ASIC2: variants seen among roughly 807,000 people sequenced by gnomAD.
The protein encoded by ASIC2 is acid sensing ion channel subunit 2.
Under a neutral mutation model 57.3 loss-of-function variants are expected in ASIC2, and 25 were observed. The observed-to-expected ratio is 0.44, with a 90% CI of 0.32 to 0.61. ASIC2 has a LOEUF of 0.61. ASIC2 is among the 20% of genes least tolerant of loss of function. The pLI is 0.06. For synonymous variants in ASIC2, 319 were observed against 307.5 expected, an observed-to-expected ratio of 1.04 and a Z score of -0.39; for missense variants, 641 against 738.1, an observed-to-expected ratio of 0.87 and a Z score of 1.52.
chr17:33,712,504 G>C (rs889973536), intron 1 of ASIC2, among the ~76,000 whole-genome samples: 1 of 152,098 alleles, frequency 6.6e-6, no homozygotes, highest in Non-Finnish European at 1.5e-5. Context: ...TAAAGAATTC[G>C]GGCCTGATTT....
At chr17:33,026,738 T>A (rs1013105845) in intron 4 of ASIC2, among the ~76,000 whole-genome samples, 2 of 152,184 alleles carry the variant, frequency 1.3e-5, no homozygotes, top group African/African-American at 2.4e-5. Flanking sequence ...CAGTACTGGA[T>A]TCTCCTTGCT....
intron 1 of ASIC2, among the ~76,000 whole-genome samples, chr17:33,803,813 G>A (rs79678062): frequency 0.075 from 11,320 of 151,754 alleles, 460 homozygotes; most frequent in East Asian, 0.19. Flanking sequence ...CCTAATTATT[G>A]TAACTGGCAT....
At chr17:33,462,939 T>G (rs1182143075) in intron 1 of ASIC2, among the ~76,000 whole-genome samples, 1 of 152,218 alleles carries the variant, frequency 6.6e-6, no homozygotes, top group Non-Finnish European at 1.5e-5. Flanking sequence ...GCCTATGATT[T>G]GGGCCACCTG....
At chr17:33,934,547 C>T (rs1028803430) in intron 1 of ASIC2, among the ~76,000 whole-genome samples, 7 of 152,214 alleles carry the variant, frequency 4.6e-5, no homozygotes, top group Non-Finnish European at 8.8e-5. Context: ...GGGCACAGGC[C>T]GTGGGCACCG....
chr17:34,142,599 A>G (rs1415677457), intron 1 of ASIC2, among the ~76,000 whole-genome samples: 1 of 152,228 alleles, frequency 6.6e-6, no homozygotes, highest in East Asian at 1.9e-4. Context: ...GAATCAATAA[A>G]TAGTCTCTCT....
intron 1 of ASIC2, among the ~76,000 whole-genome samples, chr17:33,398,616 G>T (rs1478838108): frequency 6.6e-6 from 1 of 152,032 alleles, no homozygotes; most frequent in Non-Finnish European, 1.5e-5. Context: ...GGTGATTATG[G>T]TGATGATGGT....
intron 1 of ASIC2, among the ~76,000 whole-genome samples, chr17:33,341,219 G>T (rs1907708118): frequency 1.3e-5 from 2 of 152,154 alleles, no homozygotes; most frequent in Non-Finnish European, 2.9e-5. Flanking sequence ...ATTCTGATTT[G>T]GTCGGTCAAG....
At chr17:33,380,529 C>G (rs904582534) in intron 1 of ASIC2, among the ~76,000 whole-genome samples, 1 of 152,204 alleles carries the variant, frequency 6.6e-6, no homozygotes, top group Non-Finnish European at 1.5e-5. Flanking sequence ...CAGCCCACGA[C>G]AGAGACCCAT....
rs1307782461 is a variant in ASIC2 at position 33,111,956 on chromosome 17, T to C, written c.820A>G (p.Ile274Val). The C allele has an allele frequency of 3.1e-6, 5 of 1,613,978 alleles. No homozygotes were observed. The highest frequency in any genetic ancestry group is 1.1e-5 in the South Asian group (1 of 91,048). ...ATGGGCAGGTACTCATCCTGCTGAA[T>C]GTCCAGCATGATCTCCAGCCCGTTG... ...TGNGLEIMLD[I>V]QQDEYLPIWG... Residue 274 changes from isoleucine to valine, a missense_variant, in exon 2 of 10, where the codon ATT becomes GTT. By Grantham distance (29) the Ile-to-Val change is conservative. Transcript: ENST00000225823.
intron 1 of ASIC2, among the ~76,000 whole-genome samples, chr17:33,489,617 G>T (rs1253206208): frequency 6.6e-6 from 1 of 152,172 alleles, no homozygotes; most frequent in African/African-American, 2.4e-5. Flanking sequence ...TTCCAGGCCA[G>T]GGCCACTTCC....
chr17:34,113,658 G>A (rs978154513), intron 1 of ASIC2, among the ~76,000 whole-genome samples: 3 of 151,728 alleles, frequency 2.0e-5, no homozygotes, highest in African/African-American at 7.3e-5. Flanking sequence ...CAGGAGGATC[G>A]CTTGAGCTCA....
chr17:33,919,131 A>G (rs1362902094), intron 1 of ASIC2, among the ~76,000 whole-genome samples: 7 of 152,142 alleles, frequency 4.6e-5, no homozygotes, highest in Admixed American at 4.6e-4. Context: ...AGAGAAAGAA[A>G]GAACAGGCCA....
chr17:34,060,656 G>T (rs1485484739), intron 1 of ASIC2, among the ~76,000 whole-genome samples: 3 of 152,076 alleles, frequency 2.0e-5, no homozygotes, highest in East Asian at 3.9e-4. Flanking sequence ...GAAAAAACAA[G>T]CAAAAATTCA....
intron 1 of ASIC2, among the ~76,000 whole-genome samples, chr17:33,742,277 T>G (rs1051491614): frequency 2.0e-5 from 3 of 152,212 alleles, no homozygotes; most frequent in African/African-American, 7.2e-5. Flanking sequence ...CCTACTGTGC[T>G]GTGGTCATTA....
chr17:33,939,706 G>A (rs1916142913), intron 1 of ASIC2, among the ~76,000 whole-genome samples: 1 of 152,228 alleles, frequency 6.6e-6, no homozygotes, highest in African/African-American at 2.4e-5. Flanking sequence ...TGGTGAGCAG[G>A]CAGCTGGAAC....
At chr17:33,266,789 A>C (rs948109568) in intron 1 of ASIC2, among the ~76,000 whole-genome samples, 1 of 152,170 alleles carries the variant, frequency 6.6e-6, no homozygotes, top group Non-Finnish European at 1.5e-5. Context: ...TCCCTCGCAG[A>C]TGTCAAGAAA....
chr17:34,105,366 T>C (rs954418204), intron 1 of ASIC2, among the ~76,000 whole-genome samples: 1 of 151,874 alleles, frequency 6.6e-6, no homozygotes, highest in Admixed American at 6.6e-5. Flanking sequence ...TTGGTCTAGC[T>C]AGAAGTTTAT....
At position 33,062,508 on chromosome 17, in the gene ASIC2, T is replaced by G. The variant is rs180833629; in HGVS notation, c.987+26355A>C. 5.2e-3 allele frequency among the ~76,000 whole-genome samples: 799 copies of G among 152,340 alleles called. 1 individual carries two copies. The highest frequency in any genetic ancestry group is 0.01 in the Middle Eastern group (3 of 294). On this transcript the variant is annotated intron_variant, in intron 3 of 9. Coordinates refer to ENST00000225823, the MANE Select transcript of ASIC2 (RefSeq NM_183377.2). ...TCTTAATCCTGAGTTCTAGTCTGATTGCACTGTGGTCTGAGAGACAGTTTG... is the reference window on the plus strand; with the variant it reads ...TCTTAATCCTGAGTTCTAGTCTGATGGCACTGTGGTCTGAGAGACAGTTTG...
intron 2 of ASIC2, among the ~76,000 whole-genome samples, chr17:33,096,978 C>G (rs965851102): frequency 1.3e-5 from 2 of 152,332 alleles, no homozygotes; most frequent in Admixed American, 6.5e-5. Context: ...CACAGTTACC[C>G]TTAGAGGTAG....
Sources: allele counts gnomAD v4.1 joint callset (sites outside exome capture counted in the v4.1 genomes callset), GRCh38; gene constraint gnomAD v4.1.1; transcripts MANE v1.5; gene names NCBI Gene and HGNC (gene_info 2026-07-23, HGNC 2026-07-21).